Variants in ZC3H12B observed in about 807,000 individuals in gnomAD.
ZC3H12B encodes probable ribonuclease ZC3H12B.
In ZC3H12B, 7 loss-of-function variants were observed where a neutral mutation model predicts 43.9. The ratio of observed to expected loss-of-function variants is 0.16; its 90% CI spans 0.09 to 0.30. The LOEUF is 0.30. Ranked by LOEUF, ZC3H12B falls within the 10% of genes least tolerant of loss-of-function variation. The probability of loss-of-function intolerance (pLI) is 1.00; values close to 1 mark genes in which losing one functional copy is unlikely to be tolerated. For synonymous variants in ZC3H12B, 222 were observed against 241.7 expected (o/e 0.92, Z 0.76); for missense variants, 475 against 670.2 (o/e 0.71, Z 3.22).
chrX:65,187,727 A>G, the ZC3H12B span, among the ~76,000 whole-genome samples: 1 of 108,560 alleles, frequency 9.2e-6, no homozygotes, highest in Non-Finnish European at 1.9e-5. Context: ...ATGTTTTGAT[A>G]CAGGTATACA....
chrX:65,079,882 C>CTAAT, the ZC3H12B span, among the ~76,000 whole-genome samples: 1 of 110,941 alleles, frequency 9.0e-6, no homozygotes, highest in Non-Finnish European at 1.9e-5. Context: ...ACTAAATAAA[C>CTAAT]CACCAGGGGC....
rs1012937061 is a variant in ZC3H12B at position 65,392,150 on chromosome X, C to G, written n.296-6443C>G. Among the ~76,000 whole-genome samples the G allele has an allele frequency of 4.5e-5, 5 of 111,765 alleles. No individual in the cohort carries two copies. In the Admixed American group the frequency reaches 4.7e-4, roughly 11 times the overall value. ...CTCCCAGCCGCCTGCCTTGGCCTCC[C>G]AAAGTCCTGAGATTTCAGCCTCTGC... On this transcript the variant is annotated intron_variant and non_coding_transcript_variant, in intron 2 of 5. Transcript: ENST00000617377.
chrX:65,192,046 A>C, the ZC3H12B span, among the ~76,000 whole-genome samples: 4 of 109,676 alleles, frequency 3.6e-5, no homozygotes, highest in Non-Finnish European at 7.6e-5. Context: ...TTCTGCCTTC[A>C]TTTCATTATG....
the ZC3H12B span, among the ~76,000 whole-genome samples, chrX:65,257,097 T>G: frequency 2.7e-5 from 3 of 112,197 alleles, no homozygotes; most frequent in Non-Finnish European, 3.8e-5. Context: ...GCCATCCCAT[T>G]ACTGGGTATA....
the ZC3H12B span, among the ~76,000 whole-genome samples, chrX:65,043,729 G>A: frequency 9.0e-6 from 1 of 111,291 alleles, no homozygotes. Context: ...AATATCAGAA[G>A]CCCATAGGTA....
chrX:65,142,365 G>C, the ZC3H12B span, among the ~76,000 whole-genome samples: 2 of 111,663 alleles, frequency 1.8e-5, no homozygotes, highest in Non-Finnish European at 3.8e-5. Context: ...TGTTTTTCTT[G>C]TTAATTTGTT....
At chrX:65,345,725 A>G in the ZC3H12B span, among the ~76,000 whole-genome samples, 1 of 112,128 alleles carries the variant, frequency 8.9e-6, no homozygotes, top group African/African-American at 3.2e-5. Flanking sequence ...GCAATAAAAA[A>G]GAAAGACTCC....
chrX:65,382,357 G>A (rs1176058926), intron 2 of ZC3H12B, among the ~76,000 whole-genome samples: 1 of 110,371 alleles, frequency 9.1e-6, no homozygotes, highest in East Asian at 2.8e-4. Context: ...AAAACCACAT[G>A]ATTATCTCAA....
the ZC3H12B span, among the ~76,000 whole-genome samples, chrX:65,277,030 G>C: frequency 9.0e-6 from 1 of 111,530 alleles, no homozygotes; most frequent in East Asian, 2.8e-4. Flanking sequence ...ATGGAAAAAG[G>C]TACTACATGC....
intron 3 of ZC3H12B, among the ~76,000 whole-genome samples, chrX:65,471,666 G>A (rs2067916205): frequency 9.1e-6 from 1 of 109,581 alleles, no homozygotes; most frequent in South Asian, 3.9e-4. Flanking sequence ...GATCAGGCTG[G>A]TCTCAAACTC....
At chrX:65,381,552 G>A (rs1356959866) in intron 2 of ZC3H12B, among the ~76,000 whole-genome samples, 2 of 111,098 alleles carry the variant, frequency 1.8e-5, no homozygotes, top group Non-Finnish European at 3.8e-5. Flanking sequence ...AACTAGAAAA[G>A]CAAGAGCAAA....
the ZC3H12B span, among the ~76,000 whole-genome samples, chrX:65,148,796 T>C: frequency 4.5e-5 from 5 of 111,989 alleles, no homozygotes; most frequent in African/African-American, 9.7e-5. Context: ...CTGGTGTCTT[T>C]AGTTCTTGTG....
At chrX:65,253,674 C>A in the ZC3H12B span, among the ~76,000 whole-genome samples, 2 of 112,111 alleles carry the variant, frequency 1.8e-5, no homozygotes, top group Non-Finnish European at 3.8e-5. Flanking sequence ...CTTGGCCACG[C>A]CTGCTTGCAG....
the ZC3H12B span, among the ~76,000 whole-genome samples, chrX:65,273,668 G>T: frequency 1.8e-5 from 2 of 111,714 alleles, no homozygotes; most frequent in African/African-American, 6.5e-5. Flanking sequence ...AAATTGTCAA[G>T]TTAGAAACAA....
chrX:65,399,271 C>A (rs1349735166), intron 3 of ZC3H12B, among the ~76,000 whole-genome samples: 2 of 112,161 alleles, frequency 1.8e-5, no homozygotes, highest in Non-Finnish European at 3.8e-5. Flanking sequence ...TATTTGCAAA[C>A]TATTCATATG....
At chrX:65,215,226 C>T in the ZC3H12B span, among the ~76,000 whole-genome samples, 2 of 111,579 alleles carry the variant, frequency 1.8e-5, no homozygotes, top group Admixed American at 1.9e-4. Context: ...ACTGCATTAG[C>T]CCCTAACAAG....
the ZC3H12B span, among the ~76,000 whole-genome samples, chrX:65,351,468 G>A: frequency 1.2e-4 from 14 of 112,094 alleles, no homozygotes; most frequent in East Asian, 5.6e-4. Context: ...TTTACAAATG[G>A]GATCTAATTA....
the ZC3H12B span, among the ~76,000 whole-genome samples, chrX:65,359,209 A>C: frequency 9.0e-6 from 1 of 111,434 alleles, no homozygotes; most frequent in African/African-American, 3.3e-5. Context: ...GCATCTAGTC[A>C]CGCAAGAGCT....
At chrX:65,394,898 C>G (rs1049099032) in intron 2 of ZC3H12B, among the ~76,000 whole-genome samples, 1 of 111,532 alleles carries the variant, frequency 9.0e-6, no homozygotes, top group African/African-American at 3.3e-5. Flanking sequence ...GCTTGTAGTT[C>G]TCCTTGAAGA....
Sources: gnomAD v4.1 joint callset for allele counts (sites outside exome capture counted in the v4.1 genomes callset) on GRCh38, gnomAD v4.1.1 for gene constraint, MANE v1.5 for transcripts, NCBI Gene and HGNC (gene_info 2026-07-23, HGNC 2026-07-21) for gene names.